The following PRKCE variants were observed in gnomAD, a reference collection of about 807,000 sequenced individuals.
The protein encoded by PRKCE is protein kinase C epsilon.
Under a neutral mutation model 85.4 loss-of-function variants are expected in PRKCE, and 16 were observed. That is an observed-to-expected ratio of 0.19 (90% CI 0.13 to 0.28). The LOEUF is 0.28. Ranked by LOEUF, PRKCE falls within the 10% of genes least tolerant of loss-of-function variation. The pLI is 1.00. For missense variants in PRKCE, 573 were observed against 975.2 expected (o/e 0.59, Z 5.49); for synonymous variants, 388 against 371.5 (o/e 1.04, Z -0.51).
chr2:45,662,788 C>A (rs1182886504), intron 1 of PRKCE, among the ~76,000 whole-genome samples: 1 of 151,818 alleles, frequency 6.6e-6, no homozygotes, highest in Non-Finnish European at 1.5e-5. Context: ...TGTTCAAGGC[C>A]CACAAAAAAT....
At chr2:45,843,760 C>T (rs1206361126) in intron 2 of PRKCE, among the ~76,000 whole-genome samples, 2 of 152,222 alleles carry the variant, frequency 1.3e-5, no homozygotes, top group Non-Finnish European at 2.9e-5. Context: ...TAACAACCAA[C>T]TTAAGCTCTA....
intron 2 of PRKCE, among the ~76,000 whole-genome samples, chr2:45,862,112 A>G (rs1693206030): frequency 6.6e-6 from 1 of 152,016 alleles, no homozygotes; most frequent in African/African-American, 2.4e-5. Context: ...ATATGTATGT[A>G]AAACAATAAC....
chr2:45,761,662 CCT>C (rs1319246242), intron 1 of PRKCE, among the ~76,000 whole-genome samples: 1 of 152,156 alleles, frequency 6.6e-6, no homozygotes, highest in Non-Finnish European at 1.5e-5. Context: ...CTCCCTCTCC[CCT>C]CTCGCACCCT....
intron 1 of PRKCE, among the ~76,000 whole-genome samples, chr2:45,788,019 G>A (rs147109805): frequency 5.9e-5 from 9 of 152,258 alleles, no homozygotes; most frequent in Admixed American, 1.3e-4. Context: ...AACCCTGAAG[G>A]TCAGGATCGT....
intron 11 of PRKCE, among the ~76,000 whole-genome samples, chr2:46,125,898 G>A (rs149335456): frequency 5.3e-5 from 8 of 152,280 alleles, no homozygotes; most frequent in African/African-American, 9.6e-5. Context: ...ACGTGTCTTC[G>A]TTCTGAGTGA....
intron 3 of PRKCE, among the ~76,000 whole-genome samples, chr2:45,977,819 C>T (rs1170645434): frequency 6.6e-6 from 1 of 152,144 alleles, no homozygotes; most frequent in Non-Finnish European, 1.5e-5. Flanking sequence ...AATGCTGATA[C>T]TTTTCCTGAC....
chr2:45,894,384 G>A (rs143882589), intron 2 of PRKCE, among the ~76,000 whole-genome samples: 160 of 151,384 alleles, frequency 1.1e-3, no homozygotes, highest in African/African-American at 3.7e-3. Context: ...AGTCCAATAA[G>A]GAAGCCAATA....
chr2:45,744,513 TTTCTTTCTTTCTTTTTCTTTCC>T (rs1558624063), intron 1 of PRKCE, among the ~76,000 whole-genome samples: 1,179 of 50,990 alleles, frequency 0.023, 18 homozygotes, highest in Non-Finnish European at 0.033. Flanking sequence ...TCTTTCTTTC[TTTCTTTCTTTCTTTTTCTTTCC>T]TTCTTTCTTT....
chr2:46,089,916 C>T (rs568777108), intron 11 of PRKCE, among the ~76,000 whole-genome samples: 1 of 152,260 alleles, frequency 6.6e-6, no homozygotes, highest in East Asian at 1.9e-4. Context: ...CCCCCATTGT[C>T]CCTAGGATTC....
At chr2:46,086,105 C>T in intron 10 of PRKCE, 103 bp from the exon 11 acceptor site, 3 of 1,246,586 alleles carry the variant, frequency 2.4e-6, no homozygotes, top group Non-Finnish European at 3.4e-6. Context: ...GAGGCTTCTT[C>T]CCCCTTGAGT....
At chr2:45,829,270 A>T (rs978790623) in intron 1 of PRKCE, among the ~76,000 whole-genome samples, 3 of 152,192 alleles carry the variant, frequency 2.0e-5, no homozygotes, top group African/African-American at 7.2e-5. Flanking sequence ...TTTTGTGTCA[A>T]TTTACATTTC....
At chr2:45,974,196 C>T (rs540975607) in intron 2 of PRKCE, among the ~76,000 whole-genome samples, 17 of 152,224 alleles carry the variant, frequency 1.1e-4, no homozygotes, top group Non-Finnish European at 2.4e-4. Flanking sequence ...AAGTATGAAG[C>T]GAAACAAAAA....
At chr2:45,653,801 T>A (rs988127429) in intron 1 of PRKCE, among the ~76,000 whole-genome samples, 1 of 152,226 alleles carries the variant, frequency 6.6e-6, no homozygotes, top group African/African-American at 2.4e-5. Flanking sequence ...ACTCTAGATT[T>A]GTGGTTTGCA....
intron 11 of PRKCE, among the ~76,000 whole-genome samples, chr2:46,102,198 A>G (rs1305845616): frequency 6.6e-6 from 1 of 152,136 alleles, no homozygotes; most frequent in Admixed American, 6.5e-5. Context: ...CCAGGACACC[A>G]CTGGAGTATA....
intron 13 of PRKCE, among the ~76,000 whole-genome samples, chr2:46,156,006 A>T (rs13029739): frequency 0.7 from 90,738 of 130,280 alleles, 30,556 homozygotes; most frequent in East Asian, 0.91. Flanking sequence ...AAAGTATATA[A>T]AAAAAAAAAA....
intron 1 of PRKCE, among the ~76,000 whole-genome samples, chr2:45,692,071 T>A (rs1054307831): frequency 6.6e-6 from 1 of 152,316 alleles, no homozygotes; most frequent in East Asian, 1.9e-4. Flanking sequence ...TTTCTTGGTG[T>A]GGATGGTTCA....
intron 2 of PRKCE, among the ~76,000 whole-genome samples, chr2:45,962,590 T>C (rs1213203313): frequency 6.6e-6 from 1 of 152,244 alleles, no homozygotes; most frequent in Non-Finnish European, 1.5e-5. Context: ...GTTGCAGAGC[T>C]ATTAGAAATA....
At chr2:45,892,478 T>C (rs1400344290) in intron 2 of PRKCE, among the ~76,000 whole-genome samples, 2 of 152,090 alleles carry the variant, frequency 1.3e-5, no homozygotes, top group Admixed American at 1.3e-4. Flanking sequence ...CGTTGAGTGT[T>C]GACAAGCTGA....
intron 11 of PRKCE, among the ~76,000 whole-genome samples, chr2:46,126,028 G>T (rs1370444428): frequency 6.6e-6 from 1 of 152,236 alleles, no homozygotes; most frequent in Non-Finnish European, 1.5e-5. Context: ...CAACAGGTCA[G>T]TTCTTGCCGA....
Sources: allele counts gnomAD v4.1 joint callset (sites outside exome capture counted in the v4.1 genomes callset), GRCh38; gene constraint gnomAD v4.1.1; transcripts MANE v1.5; gene names NCBI Gene and HGNC (gene_info 2026-07-23, HGNC 2026-07-21).